CALN1: variants seen among roughly 807,000 people sequenced by gnomAD.
CALN1 encodes calneuron 1, also known as calcium-binding protein 8.
Under a neutral mutation model 30.6 loss-of-function variants are expected in CALN1, and 17 were observed. The ratio of observed to expected loss-of-function variants is 0.56; its 90% confidence interval spans 0.38 to 0.83. CALN1 has a LOEUF of 0.83. CALN1 is among the 40% of genes least tolerant of loss of function. The pLI is 0.00. For missense variants in CALN1, 291 were observed against 354.9 expected, an observed-to-expected ratio of 0.82 and a Z score of 1.45; for synonymous variants, 156 against 131.4, an observed-to-expected ratio of 1.19 and a Z score of -1.28.
chr7:72,342,589 G>C (rs989719649), intron 2 of CALN1, among the ~76,000 whole-genome samples: 1 of 152,116 alleles, frequency 6.6e-6, no homozygotes. Flanking sequence ...CTCTAACCTA[G>C]AATAGTACAG....
chr7:71,935,470 C>T (rs1795778395), intron 5 of CALN1, among the ~76,000 whole-genome samples: 1 of 152,200 alleles, frequency 6.6e-6, no homozygotes, highest in Non-Finnish European at 1.5e-5. Flanking sequence ...GTGTTTCAAT[C>T]CCAGCAGTTT....
At chr7:72,482,819 A>T in the CALN1 span, among the ~76,000 whole-genome samples, 2 of 152,136 alleles carry the variant, frequency 1.3e-5, no homozygotes, top group South Asian at 4.1e-4. Flanking sequence ...TCCTTTGTGT[A>T]AATCTATATT....
chr7:72,423,899 AAGGG>A (rs1342713656), intron 1 of CALN1, among the ~76,000 whole-genome samples: 2 of 141,640 alleles, frequency 1.4e-5, no homozygotes, highest in Admixed American at 7.0e-5. Flanking sequence ...AGAAGGAAGG[AAGGG>A]AGGGAGGGAG....
At chr7:72,217,942 A>C (rs192050521) in intron 3 of CALN1, among the ~76,000 whole-genome samples, 2 of 132,092 alleles carry the variant, frequency 1.5e-5, no homozygotes, top group Non-Finnish European at 3.1e-5. Flanking sequence ...TCCCAGCTTC[A>C]CGCCATTCTC....
chr7:71,872,386 T>C (rs1183010617), intron 5 of CALN1, among the ~76,000 whole-genome samples: 1 of 152,190 alleles, frequency 6.6e-6, no homozygotes, highest in Non-Finnish European at 1.5e-5. Context: ...GCAGAATCTG[T>C]CCTTATTTTA....
chr7:72,132,410 T>C (rs1224657245), intron 3 of CALN1, among the ~76,000 whole-genome samples: 2 of 152,284 alleles, frequency 1.3e-5, no homozygotes, highest in Admixed American at 1.3e-4. Context: ...TTCTACTGGG[T>C]GTGTGTCGCT....
chr7:71,943,142 C>T (rs549687301), intron 5 of CALN1, among the ~76,000 whole-genome samples: 6 of 151,826 alleles, frequency 4.0e-5, no homozygotes, highest in Non-Finnish European at 8.8e-5. Flanking sequence ...GGCTGTGTCA[C>T]GGGTGCATCC....
At chr7:72,183,198 G>T (rs1789940679) in intron 3 of CALN1, among the ~76,000 whole-genome samples, 1 of 152,098 alleles carries the variant, frequency 6.6e-6, no homozygotes, top group African/African-American at 2.4e-5. Flanking sequence ...CAAGTAGCTG[G>T]GATTACAGGC....
chr7:71,853,681 G>A (rs1438724327), intron 5 of CALN1, among the ~76,000 whole-genome samples: 1 of 152,088 alleles, frequency 6.6e-6, no homozygotes, highest in Non-Finnish European at 1.5e-5. Context: ...CCAGGCTCAA[G>A]CAATTCTCCT....
At chr7:72,227,599 G>C (rs148921226) in intron 3 of CALN1, among the ~76,000 whole-genome samples, 1 of 150,760 alleles carries the variant, frequency 6.6e-6, no homozygotes, top group South Asian at 2.1e-4. Flanking sequence ...ATTGGGTTGT[G>C]GGGGGTGGGC....
chr7:72,078,640 C>G (rs905202893), intron 4 of CALN1, among the ~76,000 whole-genome samples: 1 of 151,908 alleles, frequency 6.6e-6, no homozygotes, highest in African/African-American at 2.4e-5. Flanking sequence ...AGTAAGAACA[C>G]TGTCAGGGAG....
chr7:72,049,272 A>G (rs912019210), intron 4 of CALN1, among the ~76,000 whole-genome samples: 1 of 152,208 alleles, frequency 6.6e-6, no homozygotes, highest in Non-Finnish European at 1.5e-5. Flanking sequence ...GAGAAAGATA[A>G]TACATGAAAC....
At chr7:71,919,956 A>G (rs1488160590) in intron 5 of CALN1, among the ~76,000 whole-genome samples, 2 of 152,220 alleles carry the variant, frequency 1.3e-5, no homozygotes, top group Admixed American at 6.5e-5. Context: ...GTAGCTCACC[A>G]TGACGGAAAG....
upstream of CALN1, among the ~76,000 whole-genome samples, chr7:72,451,108 A>C (rs899056392): frequency 6.6e-6 from 1 of 151,198 alleles, no homozygotes; most frequent in Non-Finnish European, 1.5e-5. Flanking sequence ...GAGGAGAAGA[A>C]AGGAGAAGGA....
intron 5 of CALN1, among the ~76,000 whole-genome samples, chr7:71,944,712 A>C (rs1214913552): frequency 6.6e-6 from 1 of 152,146 alleles, no homozygotes; most frequent in African/African-American, 2.4e-5. Context: ...TTAATGAGTC[A>C]ATTACTAATT....
At chr7:71,958,572 C>T (rs13235785) in intron 5 of CALN1, among the ~76,000 whole-genome samples, 23,296 of 152,174 alleles carry the variant, frequency 0.15, 2,202 homozygotes, top group Non-Finnish European at 0.23. Context: ...TTCCTTTCCT[C>T]AAAAGGACTT....
chr7:72,273,928 A>G (rs940706284), intron 3 of CALN1, among the ~76,000 whole-genome samples: 4 of 152,222 alleles, frequency 2.6e-5, no homozygotes, highest in African/African-American at 9.6e-5. Context: ...ATACAAAAAA[A>G]AAGTTTCATG....
At chr7:71,872,905 C>T (rs1335458985) in intron 5 of CALN1, among the ~76,000 whole-genome samples, 5 of 151,814 alleles carry the variant, frequency 3.3e-5, no homozygotes, top group African/African-American at 9.7e-5. Context: ...TGAGCCACGG[C>T]GCCCGGCCGT....
At chr7:71,959,288 A>C (rs7783325) in intron 5 of CALN1, among the ~76,000 whole-genome samples, 1 of 152,034 alleles carries the variant, frequency 6.6e-6, no homozygotes, top group Non-Finnish European at 1.5e-5. Flanking sequence ...CAACATTGTG[A>C]TCAGTTCTGA....
Sources: allele counts gnomAD v4.1 joint callset (sites outside exome capture counted in the v4.1 genomes callset), GRCh38; gene constraint gnomAD v4.1.1; transcripts MANE v1.5; gene names NCBI Gene and HGNC (gene_info 2026-07-23, HGNC 2026-07-21).